Variants in AMOTL2 observed in about 807,000 individuals in gnomAD.
AMOTL2 encodes angiomotin-like protein 2.
In AMOTL2, 33 loss-of-function variants were observed where a neutral mutation model predicts 78.4. The ratio of observed to expected loss-of-function variants is 0.42; its 90% CI spans 0.32 to 0.56. The LOEUF (loss-of-function observed/expected upper bound fraction) is 0.56. AMOTL2 is among the 20% of genes least tolerant of loss of function. AMOTL2 has a pLI of 0.12. For synonymous variants in AMOTL2, 422 were observed against 428.8 expected, an observed-to-expected ratio of 0.98 and a Z score of 0.20; for missense variants, 983 against 1,030.1, an observed-to-expected ratio of 0.95 and a Z score of 0.63.
At chr3:134,358,016 T>C (rs539680945) in intron 9 of AMOTL2, among the ~76,000 whole-genome samples, 1 of 152,152 alleles carries the variant, frequency 6.6e-6, no homozygotes, top group Non-Finnish European at 1.5e-5. Context: ...GAGAGAGCAA[T>C]GGAGAGCCCT....
chr3:134,370,055 T>A (rs577796387), intron 2 of AMOTL2, among the ~76,000 whole-genome samples: 82 of 152,110 alleles, frequency 5.4e-4, no homozygotes, highest in Admixed American at 9.8e-4. Context: ...AAACTCTAAG[T>A]CCCTACCATG....
At position 134,357,718 on chromosome 3, in the gene AMOTL2, TCCA is replaced by T; in HGVS notation, c.2327_2329del (p.Val776del). On this transcript the variant is annotated inframe_deletion, in exon 10 of 10. Transcript: ENST00000249883. ...GCACCACCTCCTTCAGATCAGTATC[TCCA>T]CCATGTCTGACAAGTCCTGGACTCT... 1.9e-6 allele frequency: 3 copies of T among 1,614,150 alleles called. No individual in the cohort carries two copies. The South Asian group carries it at 3.3e-5, about 18-fold the overall frequency.
At chr3:134,359,572 C>A in intron 7 of AMOTL2, 69 bp from the exon 8 acceptor site, 1 of 1,349,854 alleles carries the variant, frequency 7.4e-7, no homozygotes, top group Non-Finnish European at 1.0e-6. Flanking sequence ...CTTCCTGCCT[C>A]ATAGGAGTTA....
At chr3:134,369,951 C>T (rs2017779761) in intron 2 of AMOTL2, among the ~76,000 whole-genome samples, 1 of 152,222 alleles carries the variant, frequency 6.6e-6, no homozygotes, top group Admixed American at 6.5e-5. Flanking sequence ...ATTCTGGCCC[C>T]TTACAAACCA....
Position 134,367,491 on chromosome 3 carries a change from G to T in AMOTL2, c.1041+6C>A. On this transcript the variant is annotated splice_donor_region_variant and intron_variant, in intron 3 of 9. Coordinates refer to ENST00000249883, the MANE Select transcript of AMOTL2 (RefSeq NM_016201.4). ...TCTGCCCTTCTGAAGCCCCAGCAGG[G>T]CCTACCTTCTCAATGCGGCCAGCCT... The T allele has an allele frequency of 1.9e-6, 3 of 1,611,154 alleles. No homozygotes were observed. The highest frequency in any genetic ancestry group is 2.5e-6 in the Non-Finnish European group (3 of 1,179,694).
At position 134,371,336 on chromosome 3, in the gene AMOTL2, G is replaced by A; in HGVS notation, c.98C>T (p.Ala33Val). 6.2e-7 allele frequency: 1 copy of A among 1,611,698 alleles called. No homozygotes were observed. Among genetic ancestry groups the A allele is most frequent in the Non-Finnish European group, 8.5e-7 (1 of 1,180,024 alleles). The change falls in exon 2 of 10, where the codon GCC (alanine) becomes GTC (valine). Residue 33 changes from alanine (A) to valine (V), a missense_variant. Physicochemically the swap from Ala to Val is moderately conservative, Grantham distance 64. Transcript: ENST00000249883. Reference protein sequence around the residue: ...GNLTETRTLLAIQQQALRGGA... With the variant: ...GNLTETRTLLVIQQQALRGGA... ...ACCCCTCAGGGCCTGCTGCTGGATG[G>A]CTAGCAGCGTGCGCGTCTCAGTCAG...
At chr3:134,364,726 A>C (rs60756823) in intron 5 of AMOTL2, among the ~76,000 whole-genome samples, 1,839 of 152,108 alleles carry the variant, frequency 0.012, 40 homozygotes, top group African/African-American at 0.041. Flanking sequence ...GCCAGAGCTA[A>C]GTCCTCAAGC....
At chr3:134,372,560 C>CACACACAA (rs1553723539) in intron 1 of AMOTL2, among the ~76,000 whole-genome samples, 1 of 150,616 alleles carries the variant, frequency 6.6e-6, no homozygotes, top group Non-Finnish European at 1.5e-5. Context: ...CACACACAAA[C>CACACACAA]ACACACACAC....
intron 4 of AMOTL2, 131 bp downstream of exon 4, chr3:134,366,152 G>T: frequency 7.8e-7 from 1 of 1,287,218 alleles, no homozygotes; most frequent in Non-Finnish European, 1.1e-6. Context: ...CTCCAAAGGG[G>T]TCTCAGCCTG....
intron 6 of AMOTL2, among the ~76,000 whole-genome samples, chr3:134,361,127 C>T (rs1205402089): frequency 6.6e-6 from 1 of 151,930 alleles, no homozygotes; most frequent in Non-Finnish European, 1.5e-5. Context: ...TGAGCGTTCG[C>T]GCCACTGCAC....
chr3:134,359,326 A>G lies in AMOTL2; in HGVS notation c.2061T>C (p.Ser687=). The change falls in exon 8 of 10, where the codon TCT becomes TCC. Residue 687 remains serine, a synonymous_variant. Coordinates refer to ENST00000249883, the MANE Select transcript of AMOTL2 (RefSeq NM_016201.4). ...AGTQGWQGLS[S]SERQTADAPA... Reference sequence around the variant, plus strand: ...GGGCGTCTGCTGTTTGTCGCTCACTAGAAGAGAGCCCTTGCCAGCCCTGGG... The same window carrying G: ...GGGCGTCTGCTGTTTGTCGCTCACTGGAAGAGAGCCCTTGCCAGCCCTGGG... 6.2e-7 allele frequency: 1 copy of G among 1,614,198 alleles called. No homozygotes were observed. Among genetic ancestry groups the G allele is most frequent in the Non-Finnish European group, 8.5e-7 (1 of 1,180,036 alleles).
chr3:134,362,919 A>G (rs1436083973), intron 5 of AMOTL2, among the ~76,000 whole-genome samples: 1 of 152,340 alleles, frequency 6.6e-6, no homozygotes, highest in East Asian at 1.9e-4. Flanking sequence ...TCTCTAGAAC[A>G]GCATTCTGAT....
At chr3:134,365,470 CCTT>C (rs2017563551) in intron 5 of AMOTL2, among the ~76,000 whole-genome samples, 1 of 152,214 alleles carries the variant, frequency 6.6e-6, no homozygotes, top group Non-Finnish European at 1.5e-5. Context: ...TCAGACCTGT[CCTT>C]CTCCTTCACC....
intron 3 of AMOTL2, among the ~76,000 whole-genome samples, 168 bp downstream of exon 3, chr3:134,367,329 G>A (rs1437387409): frequency 6.6e-6 from 1 of 152,214 alleles, no homozygotes; most frequent in Non-Finnish European, 1.5e-5. Flanking sequence ...TCTGGAGTCA[G>A]CTCAGGAGGG....
intron 1 of AMOTL2, among the ~76,000 whole-genome samples, chr3:134,372,110 C>T (rs941164900): frequency 3.9e-5 from 6 of 152,148 alleles, no homozygotes; most frequent in African/African-American, 1.2e-4. Flanking sequence ...GTACAGTCAA[C>T]CTACCACCCT....
chr3:134,370,436 T>A (rs758875786), intron 2 of AMOTL2, among the ~76,000 whole-genome samples: 3 of 152,216 alleles, frequency 2.0e-5, no homozygotes, highest in Non-Finnish European at 4.4e-5. Context: ...ATTTGTGTAC[T>A]CTGGGGACTC....
chr3:134,366,445 C>T lies in AMOTL2; in HGVS notation c.1042-18G>A, dbSNP rs776280640. On this transcript the variant is annotated intron_variant, in intron 3 of 9. Transcript: ENST00000249883. ...CTTTCCAGCTGCAAGAGTCAGACAG[C>T]AGAGCTGAATGAAGGCGAGAGCTCC... 1.9e-6 allele frequency: 3 copies of T among 1,607,862 alleles called. No individual in the cohort carries two copies. The Admixed American group carries it at 5.1e-5, about 27-fold the overall frequency.
rs147176018 is a variant in AMOTL2 at position 134,360,067 on chromosome 3, A to AC, written c.1883+38dup. On this transcript the variant is annotated intron_variant, in intron 7 of 9. Transcript: ENST00000249883. ...GGGCAGTGACTGGACATTGCCACCC[A>AC]CCCCCCCAACCTCAGGTGCCTGGCC... The AC allele has an allele frequency of 1.7e-4, 267 of 1,573,792 alleles. 1 individual carries two copies. In the Middle Eastern group the frequency reaches 4.8e-3, roughly 29 times the overall value.
At chr3:134,367,869 C>T (rs192211043) in intron 2 of AMOTL2, 66 bp from the exon 3 acceptor site, 44 of 1,487,568 alleles carry the variant, frequency 3.0e-5, no homozygotes, top group South Asian at 1.3e-4. Context: ...CAGAGCAGCC[C>T]GGGGTCACCC....
Sources: gnomAD v4.1 joint callset for allele counts (sites outside exome capture counted in the v4.1 genomes callset) on GRCh38, gnomAD v4.1.1 for gene constraint, MANE v1.5 for transcripts, NCBI Gene and HGNC (gene_info 2026-07-23, HGNC 2026-07-21) for gene names.